The following ADCY8 variants were observed in gnomAD, a reference collection of about 807,000 sequenced individuals.
The protein encoded by ADCY8 is adenylate cyclase 8.
A neutral mutation model predicts 119.7 loss-of-function variants in ADCY8; 51 were observed. That is an observed-to-expected ratio of 0.43 (90% CI 0.34 to 0.54). ADCY8 has a LOEUF of 0.54. Ranked by LOEUF, ADCY8 falls within the 20% of genes least tolerant of loss-of-function variation. The pLI is 0.03. For synonymous variants in ADCY8, 665 were observed against 651.0 expected (o/e 1.02, Z -0.33); for missense variants, 1,383 against 1,598.8 (o/e 0.87, Z 2.30).
Position 131,040,109 on chromosome 8 carries a change from G to T in ADCY8, c.225C>A (p.Gly75=). 5 of 1,526,066 alleles carry T rather than the reference G, an allele frequency of 3.3e-6. No individual in the cohort carries two copies. Among genetic ancestry groups the T allele is most frequent in the Non-Finnish European group, 4.4e-6 (5 of 1,143,134 alleles). The allele number at this position is 1,526,066 out of a possible 1,614,324, so 94.5% of individuals were successfully genotyped here. The change falls in exon 1 of 18, where the codon GGC becomes GGA. Residue 75 remains glycine (G), a synonymous_variant. Coordinates refer to ENST00000286355, the MANE Select transcript of ADCY8 (RefSeq NM_001115.3). The part of the protein sequence containing the change: ...SGKASDPAGG[G]PNHHAPQLSG... ...ACAGCTGCGGCGCGTGGTGGTTGGGGCCGCCGCCCGCAGGGTCCGAGGCTT... is the reference window on the plus strand; with the variant it reads ...ACAGCTGCGGCGCGTGGTGGTTGGGTCCGCCGCCCGCAGGGTCCGAGGCTT...
intron 14 of ADCY8, 73 bp from the exon 15 acceptor site, chr8:130,800,645 C>T: frequency 6.5e-7 from 1 of 1,530,758 alleles, no homozygotes; most frequent in Admixed American, 1.7e-5. Flanking sequence ...TTCCTGTGCA[C>T]ACATGTGGGT....
At chr8:130,805,902 A>G (rs1355953429) in intron 14 of ADCY8, among the ~76,000 whole-genome samples, 2 of 152,192 alleles carry the variant, frequency 1.3e-5, no homozygotes, top group Non-Finnish European at 2.9e-5. Flanking sequence ...ATGAGGATAC[A>G]AGACAGATTG....
At chr8:130,800,316 G>C in intron 15 of ADCY8, 110 bp downstream of exon 15, 1 of 1,256,284 alleles carries the variant, frequency 8.0e-7, no homozygotes, top group Non-Finnish European at 1.1e-6. Flanking sequence ...ATGCAGGCTG[G>C]AATTCCGTTA....
At chr8:130,837,455 G>A (rs1484765107) in intron 11 of ADCY8, among the ~76,000 whole-genome samples, 2 of 152,132 alleles carry the variant, frequency 1.3e-5, no homozygotes, top group East Asian at 1.9e-4. Context: ...CTCCAGCTAC[G>A]TTTGGATCTT....
At position 130,836,450 on chromosome 8, in the gene ADCY8, C is replaced by T; in HGVS notation, c.2503-1G>A. On this transcript the variant is annotated splice_acceptor_variant, in intron 11 of 17. Coordinates refer to ENST00000286355, the MANE Select transcript of ADCY8 (RefSeq NM_001115.3). LOFTEE classifies it high-confidence loss of function. ...CCAACACCCCCGTGAAGACAAAGTA[C>T]TGGAAACAGAGAATGCAGGTGGTCA... is the stretch of plus-strand genomic sequence containing the variant. 2 of 1,612,574 alleles carry T rather than the reference C, an allele frequency of 1.2e-6. No homozygotes were observed. The highest frequency in any genetic ancestry group is 1.7e-6 in the Non-Finnish European group (2 of 1,179,246).
At chr8:130,971,481 A>C (rs1350503756) in intron 2 of ADCY8, among the ~76,000 whole-genome samples, 1 of 152,186 alleles carries the variant, frequency 6.6e-6, no homozygotes, top group East Asian at 1.9e-4. Context: ...ATTGCTCATC[A>C]TAATATCATT....
Position 130,909,700 on chromosome 8 carries a change from T to C in ADCY8, c.1640+8A>G. ...GTTAAGCATGAAAAGGGCTTTGCTT[T>C]ATCTTACCCAGGGATTCCTCCAGAT... On this transcript the variant is annotated splice_region_variant and intron_variant, in intron 6 of 17. Coordinates refer to ENST00000286355, the MANE Select transcript of ADCY8 (RefSeq NM_001115.3). The C allele has an allele frequency of 6.2e-7, 1 of 1,614,118 alleles. No individual in the cohort carries two copies.
At chr8:130,893,444 C>T (rs6415522) in intron 7 of ADCY8, among the ~76,000 whole-genome samples, 71,780 of 152,002 alleles carry the variant, frequency 0.47, 18,470 homozygotes, top group East Asian at 0.63. Context: ...GAAATATCTC[C>T]TAGCACTGAA....
At chr8:130,830,588 C>G (rs1264499931) in intron 12 of ADCY8, among the ~76,000 whole-genome samples, 1 of 152,160 alleles carries the variant, frequency 6.6e-6, no homozygotes, top group East Asian at 1.9e-4. Flanking sequence ...CTCCTACACC[C>G]CTCATGTGTG....
At position 130,780,374 on chromosome 8, in the gene ADCY8, C is replaced by CAGAA; in HGVS notation, c.*12_*15dup. The CAGAA allele has an allele frequency of 9.2e-7, 1 of 1,091,174 alleles. No individual in the cohort carries two copies. The highest frequency in any genetic ancestry group is 1.2e-6 in the Non-Finnish European group (1 of 841,700). 67.6% of individuals were successfully genotyped at this position (1,091,174 alleles called of 1,614,324 possible). On this transcript the variant is annotated 3_prime_UTR_variant, in exon 18 of 18. Transcript: ENST00000286355. The stretch of plus-strand genomic sequence containing the variant: ...ATAAAAGAAATACAAAAAAAAAAAA[C>CAGAA]AGAAAGAAAATGCTTTTATGGCAAA...
intron 1 of ADCY8, among the ~76,000 whole-genome samples, chr8:130,993,158 T>C (rs911280535): frequency 1.2e-4 from 18 of 152,182 alleles, no homozygotes; most frequent in African/African-American, 4.3e-4. Context: ...GGCTTTGTTG[T>C]ATAAATGCCA....
intron 1 of ADCY8, among the ~76,000 whole-genome samples, chr8:131,022,330 T>C (rs1823696614): frequency 6.6e-6 from 1 of 152,174 alleles, no homozygotes; most frequent in Non-Finnish European, 1.5e-5. Context: ...TGTCCATGTG[T>C]TCTCATTGCT....
At chr8:131,019,841 CTG>C (rs558214118) in intron 1 of ADCY8, among the ~76,000 whole-genome samples, 19,359 of 113,286 alleles carry the variant, frequency 0.17, 1,348 homozygotes, top group East Asian at 0.3. Context: ...CTCTCTCTGT[CTG>C]TCTCTCTCTC....
chr8:131,030,010 C>G (rs1823948562), intron 1 of ADCY8, among the ~76,000 whole-genome samples: 1 of 152,180 alleles, frequency 6.6e-6, no homozygotes, highest in Admixed American at 6.5e-5. Context: ...AGATACAATT[C>G]TTGACCTCAA....
intron 12 of ADCY8, 140 bp from the exon 13 acceptor site, chr8:130,821,560 T>C (rs1816509917): frequency 1.1e-5 from 7 of 638,546 alleles, no homozygotes. Flanking sequence ...GTGGCTGCTC[T>C]AAGGGTTTGC....
At chr8:130,902,551 C>A (rs1018516738) in intron 7 of ADCY8, among the ~76,000 whole-genome samples, 2 of 152,122 alleles carry the variant, frequency 1.3e-5, no homozygotes, top group Non-Finnish European at 2.9e-5. Context: ...CATAGTTTTT[C>A]CCCCACAGAT....
At chr8:131,015,953 T>C (rs1054940943) in intron 1 of ADCY8, among the ~76,000 whole-genome samples, 1 of 152,142 alleles carries the variant, frequency 6.6e-6, no homozygotes, top group African/African-American at 2.4e-5. Flanking sequence ...CAATACACAG[T>C]TATTGATGGA....
chr8:131,028,105 CCTT>C (rs1271469156), intron 1 of ADCY8, among the ~76,000 whole-genome samples: 4 of 152,196 alleles, frequency 2.6e-5, no homozygotes, highest in Admixed American at 1.3e-4. Flanking sequence ...GTTGAACTAT[CCTT>C]CTTTTAGACA....
At chr8:130,900,400 G>T (rs1456640258) in intron 7 of ADCY8, among the ~76,000 whole-genome samples, 2 of 152,180 alleles carry the variant, frequency 1.3e-5, no homozygotes, top group Non-Finnish European at 2.9e-5. Flanking sequence ...GGGAACAGGG[G>T]TGGAACTGGA....
Sources: gnomAD v4.1 joint callset for allele counts (sites outside exome capture counted in the v4.1 genomes callset) on GRCh38, gnomAD v4.1.1 for gene constraint, MANE v1.5 for transcripts, NCBI Gene and HGNC (gene_info 2026-07-23, HGNC 2026-07-21) for gene names.